Variants in CDKN2B-AS1 observed in about 807,000 individuals in gnomAD.
CDKN2B-AS1 encodes CDKN2B and CDKN2A antisense cis and trans regulatory RNA 1, also known as CDKN2B antisense RNA 1 (non-protein coding).
At chr9:22,050,004 C>T (rs1823277773) in intron 3 of CDKN2B-AS1, among the ~76,000 whole-genome samples, 1 of 152,004 alleles carries the variant, frequency 6.6e-6, no homozygotes, top group Admixed American at 6.6e-5. Flanking sequence ...CCTTTTTGTC[C>T]TCAAACCAAG....
At chr9:22,076,452 G>A (rs1423926447) in intron 4 of CDKN2B-AS1, among the ~76,000 whole-genome samples, 2 of 151,966 alleles carry the variant, frequency 1.3e-5, no homozygotes, top group African/African-American at 2.4e-5. Context: ...ATTTTTAATA[G>A]CCACATTACA....
At chr9:22,015,852 T>C (rs970728697) in intron 1 of CDKN2B-AS1, among the ~76,000 whole-genome samples, 5 of 152,260 alleles carry the variant, frequency 3.3e-5, no homozygotes, top group African/African-American at 7.2e-5. Flanking sequence ...CCAGTGATGA[T>C]GAGCATTTTT....
chr9:22,098,157 C>CTGTG (rs35998780), intron 4 of CDKN2B-AS1, among the ~76,000 whole-genome samples: 11,085 of 146,048 alleles, frequency 0.076, 1,242 homozygotes, highest in African/African-American at 0.25. Flanking sequence ...CTCTCTGTCT[C>CTGTG]TGTGTGTGTG....
intron 4 of CDKN2B-AS1, among the ~76,000 whole-genome samples, chr9:22,080,951 T>C (rs1824671317): frequency 6.6e-6 from 1 of 152,240 alleles, no homozygotes. Context: ...CCTATGCTTC[T>C]TAAAAATATC....
chr9:22,003,967 T>A, intron 1 of CDKN2B-AS1: 1 of 232,660 alleles, frequency 4.3e-6, no homozygotes, highest in South Asian at 1.8e-4. Flanking sequence ...AAGACAACCA[T>A]AATCAGCTGT....
chr9:22,009,053 CTCCT>C, intron 1 of CDKN2B-AS1: 1 of 1,566,058 alleles, frequency 6.4e-7, no homozygotes, highest in Non-Finnish European at 8.8e-7. Context: ...GGCGCACTCT[CTCCT>C]TCCTAGGAGA....
At chr9:22,025,426 G>C (rs1040197502) in intron 1 of CDKN2B-AS1, among the ~76,000 whole-genome samples, 2 of 152,156 alleles carry the variant, frequency 1.3e-5, no homozygotes, top group African/African-American at 4.8e-5. Context: ...GAGGCTTTCA[G>C]TTGTCCGTGG....
Position 21,995,242 on chromosome 9 carries a change from C to G in CDKN2B-AS1, n.29+81C>G, listed in dbSNP as rs1348256925. The stretch of plus-strand genomic sequence containing the variant: ...CAGCTGCCCGCGTCGCCGAGGGCGC[C>G]TGGCTGGGACAAGCACCGAGTCCTT... On this transcript the variant is annotated intron_variant and non_coding_transcript_variant, in intron 1 of 4. Coordinates refer to ENST00000650946, the Ensembl canonical transcript of CDKN2B-AS1. The surrounding 1 kb of genome is among the most constrained non-coding windows in gnomAD (Gnocchi z 5.7). 6.6e-6 allele frequency: 1 copy of G among 152,280 alleles called. No individual in the cohort carries two copies. Among genetic ancestry groups the G allele is most frequent in the African/African-American group, 2.4e-5 (1 of 41,458 alleles). The allele number at this position is 152,280 out of a possible 1,614,324, so 9.4% of individuals were successfully genotyped here. A position where few individuals can be genotyped will look rare whatever the true frequency, so the allele number is the denominator to read the frequency against.
chr9:22,123,395 A>C (rs903006494), intron 4 of CDKN2B-AS1, among the ~76,000 whole-genome samples: 1 of 152,154 alleles, frequency 6.6e-6, no homozygotes, highest in Non-Finnish European at 1.5e-5. Context: ...GTGTTGAATA[A>C]GAATGTTAAG....
At chr9:22,081,730 A>G (rs1055072929) in intron 4 of CDKN2B-AS1, among the ~76,000 whole-genome samples, 1 of 152,186 alleles carries the variant, frequency 6.6e-6, no homozygotes, top group African/African-American at 2.4e-5. Context: ...AATCTCTGAC[A>G]CTTTTCCCTC....
At chr9:22,053,394 G>C (rs1823434418) in intron 3 of CDKN2B-AS1, among the ~76,000 whole-genome samples, 3 of 152,164 alleles carry the variant, frequency 2.0e-5, no homozygotes, top group African/African-American at 4.8e-5. Flanking sequence ...CAGAAGAGGG[G>C]ATGAAGAAAA....
chr9:22,015,064 A>G (rs1426471576), intron 1 of CDKN2B-AS1, among the ~76,000 whole-genome samples: 3 of 152,122 alleles, frequency 2.0e-5, no homozygotes, highest in Non-Finnish European at 4.4e-5. Context: ...GTGCCGCAAT[A>G]AACATACGTG....
At chr9:22,069,501 G>A (rs1824200398) in intron 4 of CDKN2B-AS1, among the ~76,000 whole-genome samples, 2 of 152,126 alleles carry the variant, frequency 1.3e-5, no homozygotes, top group Admixed American at 6.5e-5. Flanking sequence ...TTGAGAAACA[G>A]TCTTTCTTTT....
At chr9:22,041,167 G>C (rs1822880514) in intron 1 of CDKN2B-AS1, among the ~76,000 whole-genome samples, 1 of 151,974 alleles carries the variant, frequency 6.6e-6, no homozygotes, top group Non-Finnish European at 1.5e-5. Context: ...AAATGTGTTG[G>C]AAAGTGGTGT....
At position 22,101,906 on chromosome 9, in the gene CDKN2B-AS1, G is replaced by T. The variant is rs974602126; in HGVS notation, n.439-25197G>T. 6.6e-5 allele frequency among the ~76,000 whole-genome samples: 10 copies of T among 152,184 alleles called. No individual in the cohort carries two copies. In the South Asian group the frequency reaches 2.1e-3, roughly 32 times the overall value. On this transcript the variant is annotated intron_variant and non_coding_transcript_variant, in intron 4 of 4. Transcript: ENST00000650946. The stretch of plus-strand genomic sequence containing the variant: ...TTTTGAAGGAGGACAACATGGCCAT[G>T]TTCTTGGTTCGGTCATGAACTGTCT...
At chr9:22,095,284 G>A (rs2131347627) in intron 4 of CDKN2B-AS1, among the ~76,000 whole-genome samples, 1 of 144,756 alleles carries the variant, frequency 6.9e-6, no homozygotes, top group Admixed American at 6.7e-5. Context: ...GAGGCAGTCT[G>A]TCCATTCTCA....
chr9:22,039,372 T>C lies in CDKN2B-AS1; in HGVS notation n.30-7379T>C, dbSNP rs1263408504. Among the ~76,000 whole-genome samples the C allele has an allele frequency of 2.6e-5, 4 of 152,016 alleles. No individual in the cohort carries two copies. The highest frequency in any genetic ancestry group is 5.9e-5 in the Non-Finnish European group (4 of 67,964). ...CCAGTATAATTTTTCTTTTCGCTCT[T>C]GTCCTTCACCTTCCTGTGGCAACAA... On this transcript the variant is annotated intron_variant and non_coding_transcript_variant, in intron 1 of 4. Coordinates refer to ENST00000650946, the Ensembl canonical transcript of CDKN2B-AS1. This position sits in a 1 kb window ranked among gnomAD's most constrained non-coding sequence, Gnocchi z 4.4.
At chr9:22,041,090 C>T (rs1351345147) in intron 1 of CDKN2B-AS1, among the ~76,000 whole-genome samples, 1 of 151,884 alleles carries the variant, frequency 6.6e-6, no homozygotes, top group African/African-American at 2.4e-5. Context: ...TAAAAATTTC[C>T]ATGAAAACAG....
At chr9:22,012,894 CA>C (rs1460778864) in intron 1 of CDKN2B-AS1, among the ~76,000 whole-genome samples, 1 of 152,056 alleles carries the variant, frequency 6.6e-6, no homozygotes, top group East Asian at 1.9e-4. Context: ...ATGTATTTTT[CA>C]AGATTAATTA....
Sources: gnomAD v4.1 joint callset for allele counts (sites outside exome capture counted in the v4.1 genomes callset) on GRCh38, gnomAD v4.1.1 for gene constraint, Gnocchi (gnomAD v3.1) non-coding constraint, MANE v1.5 for transcripts, NCBI Gene and HGNC (gene_info 2026-07-23, HGNC 2026-07-21) for gene names.